The following MACROD2 variants were observed in gnomAD, a reference collection of about 807,000 sequenced individuals.
MACROD2 encodes mono-ADP ribosylhydrolase 2, also known as ADP-ribose glycohydrolase MACROD2.
A neutral mutation model predicts 70.4 loss-of-function variants in MACROD2; 36 were observed. The observed-to-expected ratio is 0.51, with a 90% confidence interval of 0.39 to 0.68. The LOEUF (loss-of-function observed/expected upper bound fraction) is 0.68. Among genes scored for constraint, MACROD2 ranks in the 30% least tolerant of loss-of-function variants. MACROD2 has a pLI of 0.00. For missense variants in MACROD2, 496 were observed against 538.4 expected (o/e 0.92, Z 0.78); for synonymous variants, 172 against 178.8 (o/e 0.96, Z 0.30).
chr20:14,150,534 A>G (rs2055004329), intron 3 of MACROD2, among the ~76,000 whole-genome samples: 1 of 152,212 alleles, frequency 6.6e-6, no homozygotes, highest in South Asian at 2.1e-4. Context: ...AGCAGACTTT[A>G]AGTGTAAATA....
chr20:14,777,206 G>A (rs1309194940), intron 5 of MACROD2, among the ~76,000 whole-genome samples: 1 of 152,050 alleles, frequency 6.6e-6, no homozygotes, highest in Admixed American at 6.6e-5. Flanking sequence ...GTATGCATAT[G>A]TTTAGCATCT....
chr20:14,862,266 T>TATTTATA (rs2073349844), intron 5 of MACROD2, among the ~76,000 whole-genome samples: 1 of 38,580 alleles, frequency 2.6e-5, no homozygotes, highest in Non-Finnish European at 4.2e-5. Flanking sequence ...TATAAATATA[T>TATTTATA]TACTATGTAT....
chr20:14,990,667 C>T (rs1378653546), intron 5 of MACROD2, among the ~76,000 whole-genome samples: 1 of 151,996 alleles, frequency 6.6e-6, no homozygotes, highest in Non-Finnish European at 1.5e-5. Flanking sequence ...GCACTCACCA[C>T]CACTCCCGGA....
At chr20:15,949,725 A>C (rs1209624384) in intron 12 of MACROD2, among the ~76,000 whole-genome samples, 2 of 152,180 alleles carry the variant, frequency 1.3e-5, no homozygotes, top group Non-Finnish European at 2.9e-5. Context: ...GAAGGTGCCT[A>C]GTCCATATTT....
At chr20:15,227,925 A>G (rs1170539037) in intron 5 of MACROD2, among the ~76,000 whole-genome samples, 1 of 129,460 alleles carries the variant, frequency 7.7e-6, no homozygotes, top group Non-Finnish European at 1.6e-5. Flanking sequence ...ATTGTGTGTT[A>G]TTCTGGTTCA....
chr20:14,178,019 A>G (rs1312676794), intron 3 of MACROD2, among the ~76,000 whole-genome samples: 2 of 152,146 alleles, frequency 1.3e-5, no homozygotes, highest in Non-Finnish European at 2.9e-5. Flanking sequence ...TAAAACATTA[A>G]AAAAATTTTA....
chr20:14,748,585 T>C (rs1333509096), intron 5 of MACROD2, among the ~76,000 whole-genome samples: 1 of 152,114 alleles, frequency 6.6e-6, no homozygotes, highest in East Asian at 1.9e-4. Flanking sequence ...TAGAGAACTG[T>C]TAAATAAAAT....
intron 15 of MACROD2, among the ~76,000 whole-genome samples, chr20:15,990,002 A>G (rs2066536855): frequency 6.6e-6 from 1 of 152,172 alleles, no homozygotes; most frequent in South Asian, 2.1e-4. Context: ...CTATTAAAAT[A>G]TGGATTTTGA....
intron 8 of MACROD2, among the ~76,000 whole-genome samples, chr20:15,734,482 C>T (rs1379412052): frequency 1.3e-5 from 2 of 152,136 alleles, no homozygotes; most frequent in African/African-American, 2.4e-5. Context: ...GCCCAAAGCA[C>T]TGTCACTAGA....
At chr20:15,940,830 G>A (rs114557081) in intron 12 of MACROD2, among the ~76,000 whole-genome samples, 466 of 152,274 alleles carry the variant, frequency 3.1e-3, no homozygotes, top group African/African-American at 0.011. Flanking sequence ...TGATCAGAGC[G>A]AAAAGACAGA....
chr20:15,002,082 C>T (rs970191958), intron 5 of MACROD2, among the ~76,000 whole-genome samples: 1 of 152,168 alleles, frequency 6.6e-6, no homozygotes, highest in African/African-American at 2.4e-5. Context: ...CATGCATGCA[C>T]AACTATCTTT....
rs752542911 is a variant in MACROD2, at chr20:15,876,091, T to TTA, written c.728-9653_728-9652dup. On this transcript the variant is annotated intron_variant, in intron 9 of 17. Transcript: ENST00000684519. ...ACTTTTATTGTCAGCTACATGTCTTTTATATATATATATATATATATGTGT... is the reference window on the plus strand; with the variant it reads ...ACTTTTATTGTCAGCTACATGTCTTTTATATATATATATATATATATATGTGT... Among the ~76,000 whole-genome samples the TTA allele has an allele frequency of 7.8e-3, 259 of 33,114 alleles. 14 individuals carry two copies. The highest frequency in any genetic ancestry group is 0.017 in the African/African-American group (229 of 13,420). The allele number at this position is 33,114 out of a possible 152,430, so 21.7% of individuals were successfully genotyped here.
At chr20:14,777,600 G>T (rs1009093089) in intron 5 of MACROD2, among the ~76,000 whole-genome samples, 1 of 151,980 alleles carries the variant, frequency 6.6e-6, no homozygotes, top group Non-Finnish European at 1.5e-5. Flanking sequence ...CAAGTAAGAA[G>T]AAGCATATTA....
At chr20:15,588,159 T>G (rs1475651985) in intron 8 of MACROD2, among the ~76,000 whole-genome samples, 1 of 152,182 alleles carries the variant, frequency 6.6e-6, no homozygotes, top group East Asian at 1.9e-4. Flanking sequence ...GCAGGCTTAA[T>G]ACCATGTGGA....
chr20:15,937,229 T>C (rs1459507604), intron 11 of MACROD2, among the ~76,000 whole-genome samples: 1 of 152,186 alleles, frequency 6.6e-6, no homozygotes, highest in Non-Finnish European at 1.5e-5. Context: ...TAGCAACAAG[T>C]GGCATTCTTC....
intron 3 of MACROD2, among the ~76,000 whole-genome samples, chr20:14,286,700 C>T (rs1413998806): frequency 6.6e-6 from 1 of 152,042 alleles, no homozygotes; most frequent in African/African-American, 2.4e-5. Flanking sequence ...TGCTTTAACA[C>T]ATTACTATCT....
At chr20:14,921,199 T>A (rs368386174) in intron 5 of MACROD2, among the ~76,000 whole-genome samples, 11 of 152,320 alleles carry the variant, frequency 7.2e-5, no homozygotes, top group African/African-American at 1.9e-4. Context: ...GCAATGCAGT[T>A]ATTTCCCATG....
chr20:15,759,849 A>T (rs6043523), intron 8 of MACROD2, among the ~76,000 whole-genome samples: 8,628 of 152,290 alleles, frequency 0.057, 430 homozygotes, highest in African/African-American at 0.14. Flanking sequence ...GAATGCCTAC[A>T]GGAGTTTTCT....
intron 6 of MACROD2, among the ~76,000 whole-genome samples, chr20:15,354,670 A>G (rs2078266580): frequency 6.6e-6 from 1 of 152,198 alleles, no homozygotes; most frequent in Non-Finnish European, 1.5e-5. Flanking sequence ...TTTAGGCATA[A>G]AGACATACAA....
Sources: gnomAD v4.1 joint callset for allele counts (sites outside exome capture counted in the v4.1 genomes callset) on GRCh38, gnomAD v4.1.1 for gene constraint, MANE v1.5 for transcripts, NCBI Gene and HGNC (gene_info 2026-07-23, HGNC 2026-07-21) for gene names.